SIN3B: variants seen among roughly 807,000 people sequenced by gnomAD.
The protein encoded by SIN3B is paired amphipathic helix protein Sin3b.
In SIN3B, 19 loss-of-function variants were observed where a neutral mutation model predicts 120.2. The ratio of observed to expected loss-of-function variants is 0.16; its 90% CI spans 0.11 to 0.23. The LOEUF (loss-of-function observed/expected upper bound fraction) is 0.23, where lower values mean the gene tolerates loss of function less well. Among genes scored for constraint, SIN3B ranks in the 10% least tolerant of loss-of-function variants. SIN3B has a pLI of 1.00. For missense variants in SIN3B, 1,073 were observed against 1,573.0 expected, an observed-to-expected ratio of 0.68 and a Z score of 5.38; for synonymous variants, 654 against 653.2, an observed-to-expected ratio of 1.00 and a Z score of -0.02.
chr19:16,846,134 A>G (rs1002226885), intron 4 of SIN3B, among the ~76,000 whole-genome samples: 2 of 152,094 alleles, frequency 1.3e-5, no homozygotes, highest in Non-Finnish European at 2.9e-5. Context: ...CAGATAGATC[A>G]TTTCTATTTA....
At position 16,854,274 on chromosome 19, in the gene SIN3B, C is replaced by A; in HGVS notation, c.1058+13C>A. ...GCCCATTTCTGGGGTGAGCAGCTGACTTCCCAGGGCTCCCTAGGGGGGTTC... is the reference window on the plus strand; with the variant it reads ...GCCCATTTCTGGGGTGAGCAGCTGAATTCCCAGGGCTCCCTAGGGGGGTTC... On this transcript the variant is annotated intron_variant, in intron 8 of 18. Transcript: ENST00000248054. The A allele has an allele frequency of 5.7e-6, 9 of 1,571,154 alleles. No homozygotes were observed. The highest frequency in any genetic ancestry group is 1.7e-5 in the Admixed American group (1 of 58,858).
rs2051676365 is a variant in SIN3B at position 16,880,179 on chromosome 19, CCCG to C, written c.*1456_*1458del. 6.6e-6 allele frequency: 1 copy of C among 152,320 alleles called. No homozygotes were observed. The highest frequency in any genetic ancestry group is 2.1e-4 in the South Asian group (1 of 4,832). The allele number at this position is 152,320 out of a possible 1,614,324, so 9.4% of individuals were successfully genotyped here. A position where few individuals can be genotyped will look rare whatever the true frequency, so the allele number is the denominator to read the frequency against. Reference sequence around the variant, plus strand: ...CTGGGCCCCGGGTGCAGCCGGAGACCCCGCCGAGCCCCTCCTCCCAGTATTCCC... The same window carrying C: ...CTGGGCCCCGGGTGCAGCCGGAGACCCCGAGCCCCTCCTCCCAGTATTCCC... On this transcript the variant is annotated 3_prime_UTR_variant, in exon 19 of 19. Transcript: ENST00000248054.
At chr19:16,848,214 T>A (rs556069637) in intron 5 of SIN3B, among the ~76,000 whole-genome samples, 1 of 152,338 alleles carries the variant, frequency 6.6e-6, no homozygotes, top group South Asian at 2.1e-4. Context: ...CCATCAACAT[T>A]TATTGCACGG....
rs2051476825 is a variant in SIN3B, at chr19:16,869,508, C to T, written c.1855C>T (p.His619Tyr). 1 of 1,613,706 alleles carries T rather than the reference C, an allele frequency of 6.2e-7. No homozygotes were observed. The highest frequency in any genetic ancestry group is 8.5e-7 in the Non-Finnish European group (1 of 1,179,856). ...CCGCAGTGCCCCCTCTAGCGAGCCG[C>T]ACCTCATCTTTGTGTACGAGGACCG... ...EGRSAPSSEPHLIFVYEDRQI... is the reference protein window; with the variant it reads ...EGRSAPSSEPYLIFVYEDRQI... The change falls in exon 13 of 19, where the codon CAC (histidine) becomes TAC (tyrosine). Residue 619 changes from histidine to tyrosine, a missense_variant. By Grantham distance (83) the His-to-Tyr change is moderately conservative (BLOSUM62 2). Coordinates refer to ENST00000248054, the MANE Select transcript of SIN3B (RefSeq NM_001297595.2).
At chr19:16,839,399 C>T (rs367662315) in intron 3 of SIN3B, among the ~76,000 whole-genome samples, 5 of 152,280 alleles carry the variant, frequency 3.3e-5, no homozygotes, top group African/African-American at 9.6e-5. Context: ...CACTGTCCCT[C>T]GTGGTGGCTG....
chr19:16,875,953 C>T, intron 14 of SIN3B, 102 bp from the exon 15 acceptor site: 1 of 1,354,616 alleles, frequency 7.4e-7, no homozygotes, highest in Non-Finnish European at 9.9e-7. Context: ...CATGCACTCT[C>T]CATCCTGATG....
At chr19:16,875,684 TGGTCTGGTCTGGTCGGTTC>T (rs2051590089) in intron 14 of SIN3B, among the ~76,000 whole-genome samples, 1 of 150,584 alleles carries the variant, frequency 6.6e-6, no homozygotes, top group South Asian at 2.1e-4. Context: ...TGGTCTGGTC[TGGTCTGGTCTGGTCGGTTC>T]GGTCTGGTCT....
chr19:16,850,156 C>A (rs1319985428), intron 5 of SIN3B, among the ~76,000 whole-genome samples: 1 of 151,536 alleles, frequency 6.6e-6, no homozygotes, highest in African/African-American at 2.4e-5. Flanking sequence ...AATAATAAGT[C>A]TTTTTTAGTA....
At chr19:16,866,634 T>A in intron 12 of SIN3B, 78 bp downstream of exon 12, 1 of 1,424,162 alleles carries the variant, frequency 7.0e-7, no homozygotes, top group South Asian at 1.2e-5. Context: ...TGCCTCTGTT[T>A]CCCTGGTGGT....
intron 10 of SIN3B, among the ~76,000 whole-genome samples, chr19:16,864,815 A>G (rs1304808639): frequency 1.3e-5 from 2 of 149,658 alleles, no homozygotes; most frequent in Non-Finnish European, 3.0e-5. Flanking sequence ...ACAAAGCAAG[A>G]GCCCATCTAT....
At chr19:16,831,399 G>A in intron 2 of SIN3B, 95 bp from the exon 3 acceptor site, 1 of 1,300,618 alleles carries the variant, frequency 7.7e-7, no homozygotes, top group South Asian at 1.4e-5. Context: ...CTGTTGAGAA[G>A]GTTTTTATGT....
chr19:16,877,790 G>T, intron 17 of SIN3B, 151 bp downstream of exon 17: 1 of 664,930 alleles, frequency 1.5e-6, no homozygotes, highest in Non-Finnish European at 2.7e-6. Context: ...CCCTTTTGAG[G>T]CTTGTGGTTT....
intron 11 of SIN3B, 31 bp downstream of exon 11, chr19:16,865,679 C>CTTCCCCTTCCCCCTTCCCT: frequency 7.0e-7 from 1 of 1,432,610 alleles, no homozygotes; most frequent in African/African-American, 1.4e-5. Context: ...TTCCCTTCCC[C>CTTCCCCTTCCCCCTTCCCT]TTCCCCTTCC....
At chr19:16,854,019 A>G (rs1971580192) in intron 7 of SIN3B, 124 bp from the exon 8 acceptor site, 2 of 667,932 alleles carry the variant, frequency 3.0e-6, no homozygotes, top group Admixed American at 5.1e-5. Context: ...CAGCACAGAT[A>G]TCATTTACTT....
intron 3 of SIN3B, among the ~76,000 whole-genome samples, chr19:16,832,675 A>AT (rs1971295343): frequency 6.6e-6 from 1 of 150,690 alleles, no homozygotes; most frequent in Non-Finnish European, 1.5e-5. Context: ...TAATTTATTT[A>AT]TTTTTTTTGT....
chr19:16,829,932 C>T (rs1447805071), intron 2 of SIN3B, 35 bp downstream of exon 2: 3 of 1,502,258 alleles, frequency 2.0e-6, no homozygotes, highest in Non-Finnish European at 2.8e-6. Flanking sequence ...TCAGGGGACC[C>T]CCCTGGGCCG....
chr19:16,835,416 A>G (rs1195722344), intron 3 of SIN3B, among the ~76,000 whole-genome samples: 2 of 150,342 alleles, frequency 1.3e-5, no homozygotes, highest in East Asian at 1.9e-4. Flanking sequence ...TTTAGTAGAG[A>G]TGGGATTTCA....
Position 16,862,458 on chromosome 19 carries a change from A to C in SIN3B, c.1165A>C (p.Ile389Leu). 1 of 1,614,144 alleles carries C rather than the reference A, an allele frequency of 6.2e-7. No homozygotes were observed. Among genetic ancestry groups the C allele is most frequent in the Non-Finnish European group, 8.5e-7 (1 of 1,180,034 alleles). ...DRSGDGISRE[I>L]DYASCKRIGS... The stretch of plus-strand genomic sequence containing the variant: ...ATCCGGGGACGGGATAAGCCGGGAA[A>C]TTGATTATGCATCCTGCAAGCGCAT... The change falls in exon 9 of 19, where the codon ATT becomes CTT. Residue 389 changes from isoleucine to leucine, a missense_variant. Ile to Leu is a conservative substitution (Grantham distance 5). This residue lies in a region of SIN3B where 395 missense variants were observed against 528.0 expected (regional missense o/e 0.75). Coordinates refer to ENST00000248054, the MANE Select transcript of SIN3B (RefSeq NM_001297595.2). The surrounding 1 kb of genome is among the most constrained non-coding windows in gnomAD (Gnocchi z 4.7).
Position 16,878,956 on chromosome 19 carries a change from A to C in SIN3B, c.*229A>C. 1 of 555,168 alleles carries C rather than the reference A, an allele frequency of 1.8e-6. No homozygotes were observed. The highest frequency in any genetic ancestry group is 3.2e-6 in the Non-Finnish European group (1 of 315,084). 34.4% of individuals were successfully genotyped at this position (555,168 alleles called of 1,614,324 possible). On this transcript the variant is annotated 3_prime_UTR_variant, in exon 19 of 19. Coordinates refer to ENST00000248054, the MANE Select transcript of SIN3B (RefSeq NM_001297595.2). ...CACCCGAGCCCTGGGGCTCAGCCCC[A>C]CCACAGGGGCGGGTGGACGTGCTGG...
Sources: allele counts gnomAD v4.1 joint callset (sites outside exome capture counted in the v4.1 genomes callset), GRCh38; gene constraint gnomAD v4.1.1; regional missense constraint gnomAD v4.1.1; non-coding constraint Gnocchi (gnomAD v3.1); transcripts MANE v1.5; gene names NCBI Gene and HGNC (gene_info 2026-07-23, HGNC 2026-07-21).